Variants in PDE10A observed in about 807,000 individuals in gnomAD.
PDE10A encodes the protein phosphodiesterase 10A, also known as cAMP and cAMP-inhibited cGMP 3',5'-cyclic phosphodiesterase 10A.
PDE10A carries 39 observed loss-of-function variants against 97.7 expected under a neutral mutation model. That is an observed-to-expected ratio of 0.40 (90% CI 0.31 to 0.52). The LOEUF is 0.52. Ranked by LOEUF, PDE10A falls within the 20% of genes least tolerant of loss-of-function variation. The pLI, the probability that PDE10A is intolerant of heterozygous loss-of-function variation, is 0.56. For missense variants in PDE10A, 731 were observed against 1,047.8 expected (o/e 0.70, Z 4.17); for synonymous variants, 371 against 376.8 (o/e 0.98, Z 0.18).
intron 1 of PDE10A, among the ~76,000 whole-genome samples, chr6:165,579,723 C>T (rs1260056430): frequency 6.6e-6 from 1 of 152,078 alleles, no homozygotes; most frequent in Non-Finnish European, 1.5e-5. Flanking sequence ...CTCCAACATC[C>T]CCTCATCTCA....
chr6:165,476,128 A>T (rs866256824), intron 3 of PDE10A, among the ~76,000 whole-genome samples: 11 of 152,282 alleles, frequency 7.2e-5, no homozygotes, highest in Admixed American at 6.5e-5. Flanking sequence ...TTAAAAAAAA[A>T]TCAGCAAATG....
chr6:165,681,968 C>G (rs906233361), intron 1 of PDE10A, among the ~76,000 whole-genome samples: 2 of 152,164 alleles, frequency 1.3e-5, no homozygotes, highest in African/African-American at 2.4e-5. Context: ...CCTCACAGAA[C>G]AGTGGGTGAA....
chr6:165,342,588 T>A (rs1458099828), intron 19 of PDE10A, among the ~76,000 whole-genome samples: 2 of 152,256 alleles, frequency 1.3e-5, no homozygotes, highest in African/African-American at 2.4e-5. Context: ...ATGTTTTACA[T>A]ACATTCTTCT....
rs527653653 is a variant in PDE10A, at chr6:165,763,799, C to G, written c.-614-220231G>C. On this transcript the variant is annotated intron_variant, in intron 1 of 19. Transcript: ENST00000366882. ...TAAATGTTTGTGCATTCTTATTTAG[C>G]CTGTGAGCAACCAGCATAGGAAGCT... 2.0e-5 allele frequency among the ~76,000 whole-genome samples: 3 copies of G among 152,308 alleles called. No homozygotes were observed. The South Asian group carries it at 6.2e-4, about 32-fold the overall frequency.
chr6:165,460,822 T>A (rs1257511579), intron 3 of PDE10A, among the ~76,000 whole-genome samples: 5 of 151,978 alleles, frequency 3.3e-5, no homozygotes, highest in Non-Finnish European at 5.9e-5. Context: ...AGAATCAACA[T>A]ACAATGCATG....
chr6:165,531,164 A>G (rs1782754690), intron 2 of PDE10A, among the ~76,000 whole-genome samples: 1 of 152,082 alleles, frequency 6.6e-6, no homozygotes, highest in African/African-American at 2.4e-5. Context: ...CTCTAACTAC[A>G]TGCACTCATT....
chr6:165,643,963 C>T (rs1367137599), intron 1 of PDE10A, among the ~76,000 whole-genome samples: 1 of 152,136 alleles, frequency 6.6e-6, no homozygotes, highest in Non-Finnish European at 1.5e-5. Context: ...AAACATATGC[C>T]ATTACTAGTC....
intron 18 of PDE10A, among the ~76,000 whole-genome samples, chr6:165,374,320 T>A (rs868626804): frequency 4.6e-5 from 7 of 152,036 alleles, no homozygotes; most frequent in African/African-American, 1.2e-4. Flanking sequence ...CTTTAAAAGA[T>A]CAAAAATTTG....
At chr6:165,535,871 T>C (rs758163200) in intron 2 of PDE10A, among the ~76,000 whole-genome samples, 1 of 151,938 alleles carries the variant, frequency 6.6e-6, no homozygotes, top group Non-Finnish European at 1.5e-5. Flanking sequence ...AGAATAATCA[T>C]GTACTATTAA....
intron 1 of PDE10A, among the ~76,000 whole-genome samples, chr6:165,700,849 C>A (rs56188638): frequency 6.6e-6 from 1 of 152,060 alleles, no homozygotes; most frequent in Admixed American, 6.5e-5. Flanking sequence ...AGTTATCATG[C>A]GGGTGATTTT....
chr6:165,935,601 G>T (rs1429532632), intron 1 of PDE10A, among the ~76,000 whole-genome samples: 2 of 152,236 alleles, frequency 1.3e-5, no homozygotes, highest in Admixed American at 1.3e-4. Context: ...GGATATGTTT[G>T]AGAGAACATT....
At chr6:165,533,690 C>T (rs1398317145) in intron 2 of PDE10A, among the ~76,000 whole-genome samples, 1 of 152,048 alleles carries the variant, frequency 6.6e-6, no homozygotes, top group Admixed American at 6.6e-5. Flanking sequence ...ATTATTCAAC[C>T]TTAGGTCAAA....
At position 165,332,652 on chromosome 6, in the gene PDE10A, C is replaced by A. The variant is rs538678964; in HGVS notation, c.*373G>T. On this transcript the variant is annotated 3_prime_UTR_variant, in exon 22 of 22. Coordinates refer to ENST00000539869, the MANE Select transcript of PDE10A (RefSeq NM_001385079.1). Reference sequence around the variant, plus strand: ...GCCCAAGTACAATACCATAATAGTACCATTTTAAACCCTTATTAGAAAGAT... The same window carrying A: ...GCCCAAGTACAATACCATAATAGTAACATTTTAAACCCTTATTAGAAAGAT... 4.4e-5 allele frequency: 9 copies of A among 202,774 alleles called. No homozygotes were observed. The East Asian group carries it at 1.2e-3, about 26-fold the overall frequency. The allele number at this position is 202,774 out of a possible 1,614,324, so 12.6% of individuals were successfully genotyped here. A position where few individuals can be genotyped will look rare whatever the true frequency, so the allele number is the denominator to read the frequency against.
chr6:165,680,247 A>T (rs375274023), intron 1 of PDE10A, among the ~76,000 whole-genome samples: 196 of 152,328 alleles, frequency 1.3e-3, no homozygotes, highest in African/African-American at 4.5e-3. Context: ...GTAATATCAC[A>T]AAAAGAGATT....
At chr6:165,601,537 T>C (rs1187249993) in intron 1 of PDE10A, among the ~76,000 whole-genome samples, 1 of 152,236 alleles carries the variant, frequency 6.6e-6, no homozygotes, top group Non-Finnish European at 1.5e-5. Flanking sequence ...ACTCCCATAC[T>C]TTTAAGATCC....
chr6:165,886,406 G>A (rs1188801749), intron 1 of PDE10A, among the ~76,000 whole-genome samples: 1 of 152,046 alleles, frequency 6.6e-6, no homozygotes, highest in Non-Finnish European at 1.5e-5. Context: ...GAGCCCTGCA[G>A]CTCTGCAGCC....
chr6:165,446,789 G>C (rs1790878695), intron 5 of PDE10A, among the ~76,000 whole-genome samples: 1 of 152,114 alleles, frequency 6.6e-6, no homozygotes, highest in African/African-American at 2.4e-5. Flanking sequence ...ATATTAAGTT[G>C]AAGAAGACAG....
intron 1 of PDE10A, among the ~76,000 whole-genome samples, chr6:165,899,949 C>T (rs1413175337): frequency 6.6e-6 from 1 of 152,200 alleles, no homozygotes; most frequent in East Asian, 1.9e-4. Flanking sequence ...ACTGGCCCTT[C>T]AGAGATCCAC....
chr6:165,758,883 T>C (rs1793187094), intron 1 of PDE10A, among the ~76,000 whole-genome samples: 1 of 152,244 alleles, frequency 6.6e-6, no homozygotes. Flanking sequence ...GAAATTGCAG[T>C]TCTTCTCCTT....
Sources: allele counts gnomAD v4.1 joint callset (sites outside exome capture counted in the v4.1 genomes callset), GRCh38; gene constraint gnomAD v4.1.1; transcripts MANE v1.5; gene names NCBI Gene and HGNC (gene_info 2026-07-23, HGNC 2026-07-21).